CCDC171: variants seen among roughly 807,000 people sequenced by gnomAD.
CCDC171 encodes coiled-coil domain containing 171.
Under a neutral mutation model 168.2 loss-of-function variants are expected in CCDC171, and 177 were observed. The observed-to-expected ratio is 1.05, with a 90% CI of 0.93 to 1.19. The LOEUF (loss-of-function observed/expected upper bound fraction) is 1.19, where lower values mean the gene tolerates loss of function less well. Ranked by LOEUF, CCDC171 falls within the 50% of genes most tolerant of loss-of-function variation. CCDC171 has a pLI of 0.00. For synonymous variants in CCDC171, 687 were observed against 540.8 expected (o/e 1.27, Z -3.75); for missense variants, 1,991 against 1,539.0 (o/e 1.29, Z -4.91).
chr9:16,054,602 A>G (rs1157039722), intron 1 of CCDC171, among the ~76,000 whole-genome samples: 1 of 152,082 alleles, frequency 6.6e-6, no homozygotes, highest in Non-Finnish European at 1.5e-5. Flanking sequence ...TGTCTGGAAT[A>G]GAGCCAGGGG....
At chr9:15,843,421 A>G (rs1465587549) in intron 21 of CCDC171, among the ~76,000 whole-genome samples, 1 of 152,078 alleles carries the variant, frequency 6.6e-6, no homozygotes, top group Admixed American at 6.6e-5. Context: ...TGTTCACAAC[A>G]CTGTTTAAAG....
chr9:15,749,027 G>A lies in CCDC171; in HGVS notation c.2671+3396G>A, dbSNP rs1022348321. On this transcript the variant is annotated intron_variant, in intron 18 of 25. Coordinates refer to ENST00000380701, the MANE Select transcript of CCDC171 (RefSeq NM_173550.4). ...GTTGAAAGATTCAGACTGGTAAATT[G>A]GATAAAGAGTCAAGACCCATTGGTG... Among the ~76,000 whole-genome samples, 5 of 152,046 alleles carry A rather than the reference G, an allele frequency of 3.3e-5. No homozygotes were observed. In the East Asian group the frequency reaches 7.7e-4, roughly 23 times the overall value.
At chr9:15,800,859 T>C (rs1247599990) in intron 21 of CCDC171, among the ~76,000 whole-genome samples, 11 of 152,182 alleles carry the variant, frequency 7.2e-5, no homozygotes, top group Non-Finnish European at 1.5e-5. Context: ...ACACTATTTA[T>C]TGAAGAAACT....
At chr9:15,853,979 T>G (rs759819938) in intron 23 of CCDC171, among the ~76,000 whole-genome samples, 52 of 151,352 alleles carry the variant, frequency 3.4e-4, no homozygotes, top group Non-Finnish European at 6.5e-4. Flanking sequence ...ATCTTTTGAA[T>G]ATGCTGCTAG....
intron 3 of CCDC171, among the ~76,000 whole-genome samples, chr9:15,981,096 C>T (rs1195478111): frequency 1.3e-5 from 2 of 152,046 alleles, no homozygotes; most frequent in African/African-American, 4.8e-5. Flanking sequence ...GAAAGACGTG[C>T]CCCCATGATT....
chr9:15,579,141 A>T (rs1358494173), intron 4 of CCDC171, 118 bp downstream of exon 4: 2 of 749,670 alleles, frequency 2.7e-6, no homozygotes, highest in Non-Finnish European at 4.1e-6. Flanking sequence ...TCGTTGACTG[A>T]CTTTTGATGT....
At chr9:15,692,295 C>T (rs576873665) in intron 10 of CCDC171, among the ~76,000 whole-genome samples, 1 of 151,816 alleles carries the variant, frequency 6.6e-6, no homozygotes, top group East Asian at 2.0e-4. Flanking sequence ...ATCACTTGAA[C>T]CCAGGTGGTG....
downstream of CCDC171, among the ~76,000 whole-genome samples, chr9:15,978,504 G>T (rs1195982017): frequency 2.0e-5 from 3 of 152,122 alleles, no homozygotes; most frequent in Non-Finnish European, 4.4e-5. Context: ...TAATCTGTGG[G>T]GAGGCAGAAT....
At chr9:16,099,377 G>T in the CCDC171 span, among the ~76,000 whole-genome samples, 2 of 152,202 alleles carry the variant, frequency 1.3e-5, no homozygotes, top group East Asian at 1.9e-4. Flanking sequence ...AAACGCCATC[G>T]CAGTGGCTCT....
chr9:15,628,180 G>C (rs1287746642), intron 7 of CCDC171, among the ~76,000 whole-genome samples: 1 of 152,110 alleles, frequency 6.6e-6, no homozygotes, highest in Non-Finnish European at 1.5e-5. Flanking sequence ...GTGGGCGCAG[G>C]ACAGTGGGTG....
intron 3 of CCDC171, among the ~76,000 whole-genome samples, chr9:15,573,936 T>A (rs903890767): frequency 1.3e-5 from 2 of 151,960 alleles, no homozygotes; most frequent in Admixed American, 1.3e-4. Flanking sequence ...TTTCATAATA[T>A]GTTTATAGTT....
chr9:15,837,943 C>G (rs2060519014), intron 21 of CCDC171, among the ~76,000 whole-genome samples: 1 of 152,136 alleles, frequency 6.6e-6, no homozygotes, highest in Non-Finnish European at 1.5e-5. Context: ...TAACCGAAAA[C>G]ATTTTAAAAC....
At chr9:16,063,911 C>T (rs779454274), downstream of CCDC171, among the ~76,000 whole-genome samples, 5 of 152,186 alleles carry the variant, frequency 3.3e-5, no homozygotes, top group East Asian at 1.9e-4. Context: ...CAGAGACCTT[C>T]TTATTGTTCC....
At chr9:16,031,167 A>G (rs777497552) in intron 6 of CCDC171, among the ~76,000 whole-genome samples, 1 of 152,156 alleles carries the variant, frequency 6.6e-6, no homozygotes, top group Non-Finnish European at 1.5e-5. Context: ...GTTTAGGAGC[A>G]TTCATTTGAA....
intron 25 of CCDC171, among the ~76,000 whole-genome samples, chr9:15,927,839 C>G (rs928228810): frequency 2.0e-5 from 3 of 151,676 alleles, no homozygotes; most frequent in Admixed American, 6.6e-5. Flanking sequence ...TGTTGTGTAG[C>G]TAGAGAAACT....
rs181958275 is a variant in CCDC171, at chr9:15,558,598, A to T, written c.-112+5296A>T. Among the ~76,000 whole-genome samples the T allele has an allele frequency of 1.2e-4, 18 of 151,744 alleles. No homozygotes were observed. In the East Asian group the frequency reaches 3.5e-3, roughly 29 times the overall value. The stretch of plus-strand genomic sequence containing the variant: ...GGTGATATCCCCTTTATCTTTTTTT[A>T]TTACATCTTTGATTCTTCTCTCTTT... On this transcript the variant is annotated intron_variant, in intron 1 of 25. Coordinates refer to ENST00000380701, the MANE Select transcript of CCDC171 (RefSeq NM_173550.4).
At chr9:15,812,047 G>A (rs575378267) in intron 21 of CCDC171, among the ~76,000 whole-genome samples, 39 of 152,290 alleles carry the variant, frequency 2.6e-4, no homozygotes, top group Admixed American at 9.8e-4. Flanking sequence ...ACAATAATAT[G>A]TCTTGGCTTT....
intron 25 of CCDC171, among the ~76,000 whole-genome samples, chr9:15,945,029 C>T (rs1049363234): frequency 6.6e-6 from 1 of 151,850 alleles, no homozygotes; most frequent in Non-Finnish European, 1.5e-5. Flanking sequence ...TATCCCTCTC[C>T]CCCGCCCACC....
intron 3 of CCDC171, among the ~76,000 whole-genome samples, chr9:15,982,266 A>G (rs1283572852): frequency 6.6e-6 from 1 of 152,162 alleles, no homozygotes; most frequent in Non-Finnish European, 1.5e-5. Flanking sequence ...TTTAGTGTTT[A>G]TGGCCCAGCG....
Sources: allele counts gnomAD v4.1 joint callset (sites outside exome capture counted in the v4.1 genomes callset), GRCh38; gene constraint gnomAD v4.1.1; transcripts MANE v1.5; gene names NCBI Gene and HGNC (gene_info 2026-07-23, HGNC 2026-07-21).